The following NUP133 variants were observed in gnomAD, a reference collection of about 807,000 sequenced individuals.
NUP133 encodes nucleoporin 133, also known as nuclear pore complex protein Nup133.
Under a neutral mutation model 146.2 loss-of-function variants are expected in NUP133, and 66 were observed. That is an observed-to-expected ratio of 0.45 (90% CI 0.37 to 0.55). NUP133 has a LOEUF of 0.55. NUP133 is among the 20% of genes least tolerant of loss of function. NUP133 has a pLI of 0.00. For synonymous variants in NUP133, 521 were observed against 498.8 expected (o/e 1.04, Z -0.59); for missense variants, 1,277 against 1,374.8 (o/e 0.93, Z 1.12).
rs147495909 is a variant in NUP133 at position 229,469,018 on chromosome 1, G to A, written c.2076+1562C>T. 3.2e-3 allele frequency among the ~76,000 whole-genome samples: 491 copies of A among 152,316 alleles called. 1 individual carries two copies. The highest frequency in any genetic ancestry group is 5.3e-3 in the Non-Finnish European group (362 of 68,020). On this transcript the variant is annotated intron_variant, in intron 15 of 25. Transcript: ENST00000261396. ...TATAGTACATCAAACTTAGGTTACA[G>A]TACATCAAACATTAAGAAAAAGAGA...
At chr1:229,469,629 T>C (rs1421911823) in intron 15 of NUP133, among the ~76,000 whole-genome samples, 1 of 152,202 alleles carries the variant, frequency 6.6e-6, no homozygotes, top group Non-Finnish European at 1.5e-5. Context: ...GAGAAAGCAG[T>C]TGGACAGGAG....
rs752727546 is a variant in NUP133, at chr1:229,462,145, A to G, written c.2686-1376T>C. ...GTGATCTGCCCACCTCGGCCTCCCA[A>G]AGTGCTGGGATTACAGGCGTGAGCC... On this transcript the variant is annotated intron_variant, in intron 19 of 25. Transcript: ENST00000261396. Among the ~76,000 whole-genome samples, 3 of 152,340 alleles carry G rather than the reference A, an allele frequency of 2.0e-5. No individual in the cohort carries two copies. In the East Asian group the frequency reaches 5.8e-4, roughly 29 times the overall value.
rs1660932326 is a variant in NUP133, at chr1:229,470,608, A to T, written c.2048T>A (p.Leu683Gln). Residue 683 changes from leucine to glutamine, a missense_variant, in exon 15 of 26, where the codon CTG becomes CAG. Physicochemically the swap from Leu to Gln is moderately radical, Grantham distance 113. This residue lies in a region of NUP133 where 952 missense variants were observed against 1,047.0 expected (regional missense o/e 0.91). Transcript: ENST00000261396. Reference protein sequence around the residue: ...NKREYEIPSNLTPADVFFREV... With the variant: ...NKREYEIPSNQTPADVFFREV... Reference sequence around the variant, plus strand: ...CCTGAAAAAGACATCTGCAGGAGTCAGGTTGGATGGGATTTCATACTCCCT... The same window carrying T: ...CCTGAAAAAGACATCTGCAGGAGTCTGGTTGGATGGGATTTCATACTCCCT... 3 of 1,614,220 alleles carry T rather than the reference A, an allele frequency of 1.9e-6. No homozygotes were observed. Among genetic ancestry groups the T allele is most frequent in the East Asian group, 4.5e-5 (2 of 44,888 alleles).
At chr1:229,481,222 G>T (rs1661203441) in intron 12 of NUP133, among the ~76,000 whole-genome samples, 1 of 151,998 alleles carries the variant, frequency 6.6e-6, no homozygotes, top group Non-Finnish European at 1.5e-5. Flanking sequence ...CTTAGATCAG[G>T]GGTCCCTTCT....
At chr1:229,456,261 C>T (rs981219872) in intron 21 of NUP133, among the ~76,000 whole-genome samples, 1 of 152,116 alleles carries the variant, frequency 6.6e-6, no homozygotes, top group Non-Finnish European at 1.5e-5. Flanking sequence ...ATCCTGTTCC[C>T]CTAGCCCCTA....
intron 20 of NUP133, among the ~76,000 whole-genome samples, chr1:229,459,292 G>C (rs1272798432): frequency 9.2e-5 from 14 of 152,192 alleles, no homozygotes; most frequent in Admixed American, 9.2e-4. Context: ...GGAGGCTGAT[G>C]TGGGTGGATT....
At position 229,487,447 on chromosome 1, in the gene NUP133, T is replaced by C. The variant is rs764155031; in HGVS notation, c.1342+19A>G. On this transcript the variant is annotated intron_variant, in intron 10 of 25. Transcript: ENST00000261396. Reference sequence around the variant, plus strand: ...ACTAATGAGCTCACCAATCATGCTTTCTAAAACTGCTACTGTACCTTGTGC... The same window carrying C: ...ACTAATGAGCTCACCAATCATGCTTCCTAAAACTGCTACTGTACCTTGTGC... 6 of 1,605,430 alleles carry C rather than the reference T, an allele frequency of 3.7e-6. No individual in the cohort carries two copies. The highest frequency in any genetic ancestry group is 5.1e-6 in the Non-Finnish European group (6 of 1,178,172).
intron 12 of NUP133, among the ~76,000 whole-genome samples, chr1:229,483,835 G>A (rs561790322): frequency 6.6e-6 from 1 of 151,266 alleles, no homozygotes; most frequent in African/African-American, 2.4e-5. Flanking sequence ...GAGAGAGTAT[G>A]TTAGAGCCCA....
At position 229,495,535 on chromosome 1, in the gene NUP133, CTTT is replaced by C; in HGVS notation, c.1003_1005del (p.Lys335del). On this transcript the variant is annotated inframe_deletion, in exon 8 of 26. Coordinates refer to ENST00000261396, the MANE Select transcript of NUP133 (RefSeq NM_018230.3). ...TCCAAATATCGAATGTTGACTCCTT[CTTT>C]AATAGCTTCATAGTTACTTTCAGAT... The C allele has an allele frequency of 6.2e-7, 1 of 1,611,288 alleles. No individual in the cohort carries two copies. Among genetic ancestry groups the C allele is most frequent in the Non-Finnish European group, 8.5e-7 (1 of 1,177,944 alleles).
chr1:229,505,373 T>TA lies in NUP133; in HGVS notation c.301+666dup, dbSNP rs1047740122. Among the ~76,000 whole-genome samples, 28 of 151,778 alleles carry TA rather than the reference T, an allele frequency of 1.8e-4. 1 individual carries two copies. Among genetic ancestry groups the TA allele is most frequent in the Admixed American group, 4.6e-4 (7 of 15,240 alleles). ...AAGTTTATCATAGGTGTGTATGTATTAAAAAAACACAGTATATATAAGGTT... is the reference window on the plus strand; with the variant it reads ...AAGTTTATCATAGGTGTGTATGTATTAAAAAAAACACAGTATATATAAGGTT... On this transcript the variant is annotated intron_variant, in intron 2 of 25. Coordinates refer to ENST00000261396, the MANE Select transcript of NUP133 (RefSeq NM_018230.3).
chr1:229,501,914 A>G, intron 3 of NUP133, 85 bp downstream of exon 3: 1 of 961,472 alleles, frequency 1.0e-6, no homozygotes, highest in South Asian at 1.4e-5. Flanking sequence ...ACTATCCTCC[A>G]ACTGTAAAAA....
intron 12 of NUP133, among the ~76,000 whole-genome samples, chr1:229,482,598 T>C (rs1661242222): frequency 6.6e-6 from 1 of 152,304 alleles, no homozygotes; most frequent in East Asian, 1.9e-4. Flanking sequence ...GCAGAATACA[T>C]GTCTAAGATA....
chr1:229,489,663 G>T (rs1190708330), intron 9 of NUP133, among the ~76,000 whole-genome samples: 1 of 152,228 alleles, frequency 6.6e-6, no homozygotes, highest in Non-Finnish European at 1.5e-5. Context: ...TTGAGGTCAG[G>T]AGTTTGAGAC....
intron 12 of NUP133, among the ~76,000 whole-genome samples, chr1:229,479,745 CG>C (rs1655225685): frequency 6.6e-6 from 1 of 152,022 alleles, no homozygotes; most frequent in South Asian, 2.1e-4. Context: ...CATAATGGCC[CG>C]GGTCATGGTA....
At chr1:229,495,051 A>G (rs771621670) in intron 8 of NUP133, among the ~76,000 whole-genome samples, 1 of 152,222 alleles carries the variant, frequency 6.6e-6, no homozygotes, top group Non-Finnish European at 1.5e-5. Context: ...AAACAAGAGC[A>G]AGACCATTCA....
intron 14 of NUP133, among the ~76,000 whole-genome samples, chr1:229,474,845 G>A (rs1205396794): frequency 6.6e-6 from 1 of 152,162 alleles, no homozygotes; most frequent in Non-Finnish European, 1.5e-5. Context: ...GCTCATGCCT[G>A]TAACCTCAGC....
intron 15 of NUP133, among the ~76,000 whole-genome samples, chr1:229,467,034 C>T (rs1360583952): frequency 6.6e-6 from 1 of 152,172 alleles, no homozygotes; most frequent in Non-Finnish European, 1.5e-5. Context: ...CTACTCTGCT[C>T]AGTGCATCTT....
intron 21 of NUP133, among the ~76,000 whole-genome samples, chr1:229,453,493 A>T (rs1660500649): frequency 6.7e-6 from 1 of 149,818 alleles, no homozygotes; most frequent in African/African-American, 2.5e-5. Flanking sequence ...ATACTCGAGA[A>T]CTATGAGAAA....
At chr1:229,487,387 ACATT>A in intron 10 of NUP133, 75 bp downstream of exon 10, 1 of 1,329,900 alleles carries the variant, frequency 7.5e-7, no homozygotes, top group Non-Finnish European at 1.1e-6. Context: ...GCTTGAAGTG[ACATT>A]CAGGGAAAGA....
Sources: allele counts gnomAD v4.1 joint callset (sites outside exome capture counted in the v4.1 genomes callset), GRCh38; gene constraint gnomAD v4.1.1; regional missense constraint gnomAD v4.1.1; transcripts MANE v1.5; gene names NCBI Gene and HGNC (gene_info 2026-07-23, HGNC 2026-07-21).